The following NECTIN3 variants were observed in gnomAD, a reference collection of about 807,000 sequenced individuals.
The protein encoded by NECTIN3 is nectin cell adhesion molecule 3.
Under a neutral mutation model 49.4 loss-of-function variants are expected in NECTIN3, and 8 were observed. That is an observed-to-expected ratio of 0.16 (90% CI 0.10 to 0.29). The LOEUF is 0.29. Ranked by LOEUF, NECTIN3 falls within the 10% of genes least tolerant of loss-of-function variation. The pLI is 1.00. For missense variants in NECTIN3, 581 were observed against 654.6 expected (o/e 0.89, Z 1.23); for synonymous variants, 277 against 241.1 (o/e 1.15, Z -1.38).
At chr3:111,155,968 A>G (rs2035090719) in intron 7 of NECTIN3, among the ~76,000 whole-genome samples, 1 of 152,156 alleles carries the variant, frequency 6.6e-6, no homozygotes, top group Non-Finnish European at 1.5e-5. Flanking sequence ...CTCCTTATAT[A>G]TTAGCACAGT....
chr3:111,110,148 A>G (rs1392016247), intron 1 of NECTIN3, among the ~76,000 whole-genome samples: 1 of 151,952 alleles, frequency 6.6e-6, no homozygotes, highest in Non-Finnish European at 1.5e-5. Context: ...TTTTCAAATA[A>G]TAATTATTTC....
upstream of NECTIN3, chr3:111,192,309 C>T (rs1385081072): frequency 2.7e-6 from 4 of 1,482,558 alleles, no homozygotes; most frequent in East Asian, 2.5e-5. Flanking sequence ...ATATGTTTTG[C>T]CATGTGTTTT....
rs79087269 is a variant in NECTIN3 at position 111,103,058 on chromosome 3, G to C, written c.161-8972G>C. Among the ~76,000 whole-genome samples the C allele has an allele frequency of 2.1e-3, 319 of 152,160 alleles. 1 individual carries two copies. Among genetic ancestry groups the C allele is most frequent in the African/African-American group, 7.4e-3 (309 of 41,524 alleles). ...GTGGTCTTGATCACAGTAACTTTAT[G>C]TTAAGTCTTGAAGTCAGATAATGTA... On this transcript the variant is annotated intron_variant, in intron 1 of 5. Coordinates refer to ENST00000485303, the MANE Select transcript of NECTIN3 (RefSeq NM_015480.3).
intron 4 of NECTIN3, among the ~76,000 whole-genome samples, chr3:111,122,694 T>C (rs1216375014): frequency 1.3e-5 from 2 of 152,188 alleles, no homozygotes; most frequent in Non-Finnish European, 2.9e-5. Flanking sequence ...AGTAGTAGTA[T>C]ACCAGACTTC....
At chr3:111,145,899 T>G (rs2107508597) in intron 6 of NECTIN3, among the ~76,000 whole-genome samples, 1 of 152,270 alleles carries the variant, frequency 6.6e-6, no homozygotes, top group Non-Finnish European at 1.5e-5. Flanking sequence ...GCACTAGTCT[T>G]TGCATCAAAG....
Position 111,124,869 on chromosome 3 carries a change from C to G in NECTIN3, c.918-1315C>G, listed in dbSNP as rs150954402. 3.1e-3 allele frequency among the ~76,000 whole-genome samples: 476 copies of G among 152,138 alleles called. 2 individuals carry two copies. Among genetic ancestry groups the G allele is most frequent in the African/African-American group, 0.011 (448 of 41,490 alleles). The stretch of plus-strand genomic sequence containing the variant: ...GACTACATTTTATTTACTTCTGTAT[C>G]TCAGCACCACCAGCAAAGCAGAGTA... On this transcript the variant is annotated intron_variant, in intron 4 of 5. Transcript: ENST00000485303.
intron 1 of NECTIN3, among the ~76,000 whole-genome samples, chr3:111,087,405 C>T (rs988432243): frequency 1.3e-5 from 2 of 152,114 alleles, no homozygotes; most frequent in African/African-American, 4.8e-5. Flanking sequence ...GTAATCCCAG[C>T]ACTTTGGGAG....
At chr3:111,072,463 G>A (rs1199873562) in intron 1 of NECTIN3, 6 of 1,535,610 alleles carry the variant, frequency 3.9e-6, no homozygotes, top group Non-Finnish European at 5.2e-6. Context: ...CGAACTCCGG[G>A]TTTGCTCCGG....
In NECTIN3 at chr3:111,193,283, C is replaced by T. The variant is rs1460314489; in HGVS notation, c.63+870C>T. The T allele has an allele frequency of 2.6e-6, 4 of 1,534,986 alleles. No individual in the cohort carries two copies. In the South Asian group the frequency reaches 3.6e-5, roughly 14 times the overall value. ...GCATTCAGCAGATGTACCCCCTTTA[C>T]AATCAAATGTGCTACCAAGACCGGA... On this transcript the variant is annotated intron_variant, in intron 1 of 1. Coordinates refer to the NECTIN3 transcript ENST00000485506.
At chr3:111,072,247 T>A in intron 1 of NECTIN3, 70 bp downstream of exon 1, 1 of 1,484,476 alleles carries the variant, frequency 6.7e-7, no homozygotes, top group East Asian at 2.5e-5. Flanking sequence ...CGCGGCCGGC[T>A]CTGCCAGCCG....
intron 5 of NECTIN3, among the ~76,000 whole-genome samples, chr3:111,132,383 C>G (rs1444911143): frequency 2.6e-5 from 4 of 151,796 alleles, no homozygotes; most frequent in Non-Finnish European, 5.9e-5. Context: ...TTTTCTTTAG[C>G]TTGTAATATT....
upstream of NECTIN3, among the ~76,000 whole-genome samples, chr3:111,192,181 ACT>A (rs1278515655): frequency 1.3e-5 from 2 of 151,896 alleles, no homozygotes; most frequent in Admixed American, 1.3e-4. Flanking sequence ...AGTGAGTGAA[ACT>A]CTTTAAAAAA....
intron 4 of NECTIN3, among the ~76,000 whole-genome samples, chr3:111,124,464 AAGTACAAAGGTAATTGTTAAGACATAT>A (rs1559794016): frequency 3.3e-5 from 5 of 152,188 alleles, no homozygotes; most frequent in African/African-American, 1.2e-4. Context: ...TTTGAGCCCA[AAGTACAAAGGTAATTGTTAAGACATAT>A]ATAGTTTATT....
At chr3:111,146,383 G>A (rs2034877026) in intron 6 of NECTIN3, among the ~76,000 whole-genome samples, 2 of 147,778 alleles carry the variant, frequency 1.4e-5, no homozygotes, top group South Asian at 4.3e-4. Flanking sequence ...GCAGTGAGCG[G>A]AGATCCCGCC....
intron 1 of NECTIN3, among the ~76,000 whole-genome samples, chr3:111,094,296 G>T (rs920659189): frequency 6.6e-6 from 1 of 151,970 alleles, no homozygotes; most frequent in African/African-American, 2.4e-5. Context: ...TCACCCATAG[G>T]CATAGTTTTA....
chr3:111,088,838 T>C (rs2032087288), intron 1 of NECTIN3, among the ~76,000 whole-genome samples: 1 of 152,208 alleles, frequency 6.6e-6, no homozygotes, highest in Non-Finnish European at 1.5e-5. Context: ...TGTGCTGGAC[T>C]CATTAAAAAC....
At chr3:111,119,710 A>G (rs527952079) in intron 3 of NECTIN3, among the ~76,000 whole-genome samples, 12 of 152,344 alleles carry the variant, frequency 7.9e-5, no homozygotes, top group African/African-American at 2.9e-4. Context: ...TGTGATTTGT[A>G]TACCATTTAA....
intron 1 of NECTIN3, among the ~76,000 whole-genome samples, chr3:111,109,299 A>G (rs1235111596): frequency 3.9e-5 from 6 of 152,260 alleles, no homozygotes; most frequent in Non-Finnish European, 7.4e-5. Flanking sequence ...TTCACTCCAT[A>G]AAACTTCTCT....
intron 7 of NECTIN3, among the ~76,000 whole-genome samples, chr3:111,177,939 T>G (rs2035560280): frequency 6.6e-6 from 1 of 152,218 alleles, no homozygotes; most frequent in Non-Finnish European, 1.5e-5. Context: ...GTACTTTGCT[T>G]TGCATATGTA....
Sources: allele counts gnomAD v4.1 joint callset (sites outside exome capture counted in the v4.1 genomes callset), GRCh38; gene constraint gnomAD v4.1.1; transcripts MANE v1.5; gene names NCBI Gene and HGNC (gene_info 2026-07-23, HGNC 2026-07-21).